Variants in NUDCD1 observed in about 807,000 individuals in gnomAD.
NUDCD1 encodes NudC domain containing 1.
Under a neutral mutation model 67.8 loss-of-function variants are expected in NUDCD1, and 60 were observed. That is an observed-to-expected ratio of 0.88 (90% CI 0.72 to 1.10). The LOEUF is 1.10. Ranked by LOEUF, NUDCD1 falls within the 50% of genes least tolerant of loss-of-function variation. The pLI is 0.00. For synonymous variants in NUDCD1, 244 were observed against 230.8 expected, an observed-to-expected ratio of 1.06 and a Z score of -0.52; for missense variants, 643 against 695.0, an observed-to-expected ratio of 0.93 and a Z score of 0.84.
At chr8:109,255,431 C>T (rs989818754) in intron 8 of NUDCD1, among the ~76,000 whole-genome samples, 2 of 152,066 alleles carry the variant, frequency 1.3e-5, no homozygotes, top group Admixed American at 6.5e-5. Flanking sequence ...CAGATCTTAG[C>T]TAAGTGGTAT....
intron 2 of NUDCD1, among the ~76,000 whole-genome samples, chr8:109,298,282 T>C (rs538175807): frequency 1.2e-3 from 184 of 152,258 alleles, no homozygotes; most frequent in African/African-American, 4.3e-3. Context: ...TCAGTATGTT[T>C]TACAGAGAGA....
intron 1 of NUDCD1, among the ~76,000 whole-genome samples, chr8:109,328,482 G>A (rs1286747704): frequency 6.6e-6 from 1 of 152,118 alleles, no homozygotes; most frequent in Non-Finnish European, 1.5e-5. Context: ...GTACTCAAGA[G>A]TACTAATGGC....
At chr8:109,256,323 A>T (rs1222503279) in intron 8 of NUDCD1, among the ~76,000 whole-genome samples, 1 of 152,232 alleles carries the variant, frequency 6.6e-6, no homozygotes, top group African/African-American at 2.4e-5. Flanking sequence ...AAATCAAGTT[A>T]GAAGATCAAG....
chr8:109,311,670 G>A (rs1371687281), intron 2 of NUDCD1, among the ~76,000 whole-genome samples: 1 of 151,512 alleles, frequency 6.6e-6, no homozygotes, highest in Non-Finnish European at 1.5e-5. Context: ...AGTAACTCAG[G>A]AATGGAAACC....
In NUDCD1 at chr8:109,302,835, A is replaced by G. The variant is rs111880331; in HGVS notation, c.274-6266T>C. On this transcript the variant is annotated intron_variant, in intron 2 of 9. Transcript: ENST00000239690. ...GCCAGAAGGCTGTCTTATTCTCAAT[A>G]TGCATTTTATTACCCAACCCACTCC... 1.5e-3 allele frequency among the ~76,000 whole-genome samples: 226 copies of G among 152,238 alleles called. 2 individuals are homozygous for G. Among genetic ancestry groups the G allele is most frequent in the African/African-American group, 5.3e-3 (222 of 41,538 alleles).
intron 2 of NUDCD1, chr8:109,298,725 A>T (rs1814903596): frequency 6.6e-6 from 1 of 152,232 alleles, no homozygotes; most frequent in African/African-American, 2.4e-5. Context: ...TAAAATGTTT[A>T]GGGGGATGGG....
rs917241411 is a variant in NUDCD1, at chr8:109,242,024, T to C, written c.*985A>G. The C allele has an allele frequency of 3.0e-5, 12 of 397,770 alleles. No homozygotes were observed. Among genetic ancestry groups the C allele is most frequent in the Non-Finnish European group, 4.4e-5 (10 of 225,536 alleles). 24.6% of individuals were successfully genotyped at this position (397,770 alleles called of 1,614,324 possible). ...AACAGGATTATTTTGTTGAAGTTGT[T>C]AGAAAAATAAAGAGAGCCACAAGGA... is the stretch of plus-strand genomic sequence containing the variant. On this transcript the variant is annotated 3_prime_UTR_variant, in exon 10 of 10. Transcript: ENST00000239690.
At chr8:109,263,054 C>CAA (rs59659347) in intron 8 of NUDCD1, among the ~76,000 whole-genome samples, 5,616 of 41,754 alleles carry the variant, frequency 0.13, 661 homozygotes, top group Middle Eastern at 0.15. Context: ...GACTCTGTCT[C>CAA]AAAAAAAAAA....
chr8:109,271,371 T>C (rs1424668455), intron 7 of NUDCD1, among the ~76,000 whole-genome samples: 1 of 152,006 alleles, frequency 6.6e-6, no homozygotes, highest in Non-Finnish European at 1.5e-5. Context: ...AACATAACCA[T>C]GTTGAGAAAG....
intron 8 of NUDCD1, among the ~76,000 whole-genome samples, chr8:109,247,850 T>C (rs1813534209): frequency 6.6e-6 from 1 of 152,198 alleles, no homozygotes; most frequent in South Asian, 2.1e-4. Context: ...ATTAGATTAT[T>C]AATATTTTTA....
intron 8 of NUDCD1, among the ~76,000 whole-genome samples, chr8:109,256,977 GA>G (rs577559219): frequency 2.7e-5 from 4 of 146,970 alleles, no homozygotes; most frequent in East Asian, 2.0e-4. Flanking sequence ...TCATGATAAA[GA>G]AAAAAAAAAC....
At chr8:109,322,554 C>T (rs1401809676) in intron 1 of NUDCD1, 91 bp from the exon 2 acceptor site, 1 of 878,900 alleles carries the variant, frequency 1.1e-6, no homozygotes, top group African/African-American at 1.7e-5. Flanking sequence ...AAAAAAAAAT[C>T]ACAGAATGCC....
At chr8:109,281,332 C>CA (rs1211335505) in intron 5 of NUDCD1, among the ~76,000 whole-genome samples, 160 bp from the exon 6 acceptor site, 1 of 152,174 alleles carries the variant, frequency 6.6e-6, no homozygotes, top group East Asian at 1.9e-4. Flanking sequence ...AATTTTCACT[C>CA]AAAGATTTGC....
chr8:109,304,545 T>A (rs1198180083), intron 2 of NUDCD1, among the ~76,000 whole-genome samples: 1 of 152,208 alleles, frequency 6.6e-6, no homozygotes, highest in African/African-American at 2.4e-5. Flanking sequence ...CCCTCACTCT[T>A]GCAAAGGCAC....
chr8:109,258,673 G>GTA (rs1349339138), intron 8 of NUDCD1, among the ~76,000 whole-genome samples: 1 of 151,698 alleles, frequency 6.6e-6, no homozygotes, highest in Non-Finnish European at 1.5e-5. Flanking sequence ...GAAAGGCTCA[G>GTA]TATATATGAA....
intron 7 of NUDCD1, among the ~76,000 whole-genome samples, chr8:109,274,968 T>C (rs898631268): frequency 2.0e-5 from 3 of 152,092 alleles, no homozygotes; most frequent in Admixed American, 6.6e-5. Context: ...CCTTGCAAAA[T>C]TGTAAACTCA....
intron 8 of NUDCD1, among the ~76,000 whole-genome samples, chr8:109,256,119 G>A (rs1813731632): frequency 6.6e-6 from 1 of 152,162 alleles, no homozygotes; most frequent in Non-Finnish European, 1.5e-5. Context: ...GCTGGAAGTG[G>A]GAAGACTGCT....
intron 1 of NUDCD1, among the ~76,000 whole-genome samples, chr8:109,328,100 T>C (rs940650451): frequency 6.6e-6 from 1 of 152,138 alleles, no homozygotes; most frequent in African/African-American, 2.4e-5. Flanking sequence ...GAAAGTTAAA[T>C]GAAACAACAG....
rs1447274295 is a variant in NUDCD1, at chr8:109,333,300, A to AT, written c.118+592dup. 3.9e-5 allele frequency among the ~76,000 whole-genome samples: 6 copies of AT among 152,352 alleles called. No individual in the cohort carries two copies. In the South Asian group the frequency reaches 1.0e-3, roughly 26 times the overall value. ...AAGTTGTAAAAACAAGAGTAAGGAT[A>AT]TTCTACCAGCTACAGATAAAGCAAG... On this transcript the variant is annotated intron_variant, in intron 1 of 9. Coordinates refer to ENST00000239690, the MANE Select transcript of NUDCD1 (RefSeq NM_032869.4).
Sources: allele counts gnomAD v4.1 joint callset (sites outside exome capture counted in the v4.1 genomes callset), GRCh38; gene constraint gnomAD v4.1.1; transcripts MANE v1.5; gene names NCBI Gene and HGNC (gene_info 2026-07-23, HGNC 2026-07-21).